ZNF398: variants seen among roughly 807,000 people sequenced by gnomAD.
The protein encoded by ZNF398 is zinc finger DNA binding protein ZER6.
A neutral mutation model predicts 41.9 loss-of-function variants in ZNF398; 18 were observed. That is an observed-to-expected ratio of 0.43 (90% CI 0.30 to 0.64). The LOEUF (loss-of-function observed/expected upper bound fraction) is 0.64, where lower values mean the gene tolerates loss of function less well. Ranked by LOEUF, ZNF398 falls within the 30% of genes least tolerant of loss-of-function variation. ZNF398 has a pLI of 0.14. For synonymous variants in ZNF398, 260 were observed against 308.8 expected (o/e 0.84, Z 1.66); for missense variants, 669 against 822.8 (o/e 0.81, Z 2.29).
At chr7:149,171,010 A>ATT (rs71192761) in intron 4 of ZNF398, among the ~76,000 whole-genome samples, 18,696 of 136,866 alleles carry the variant, frequency 0.14, 1,417 homozygotes, top group Middle Eastern at 0.19. Context: ...CGCCCGGCTA[A>ATT]TTTTTTTTTT....
upstream of ZNF398, among the ~76,000 whole-genome samples, chr7:149,143,426 G>A (rs1460193848): frequency 1.3e-5 from 2 of 152,228 alleles, no homozygotes; most frequent in Non-Finnish European, 2.9e-5. Flanking sequence ...AAAAAAATCT[G>A]TCCTTGATTC....
intron 1 of ZNF398, 132 bp from the exon 2 acceptor site, chr7:149,153,813 A>T (rs1794910110): frequency 1.8e-6 from 2 of 1,085,710 alleles, no homozygotes; most frequent in Non-Finnish European, 2.6e-6. Context: ...GATGAGGCAT[A>T]CGCAGGCAGT....
rs59895177 is a variant in ZNF398 at position 149,148,863 on chromosome 7, C to CTTTTTTTTTTTTTTTTTTTTTTT, written c.24+1103_24+1125dup. On this transcript the variant is annotated intron_variant, in intron 1 of 5. Coordinates refer to ENST00000475153, the MANE Select transcript of ZNF398 (RefSeq NM_170686.3). ...TTTATGCACGGACCTTTTTCTTTGT[C>CTTTTTTTTTTTTTTTTTTTTTTT]TTTTTTTTTTTTTTTTTTTTTTTTT... Among the ~76,000 whole-genome samples the CTTTTTTTTTTTTTTTTTTTTTTT allele has an allele frequency of 3.5e-4, 22 of 63,282 alleles. 5 individuals are homozygous for CTTTTTTTTTTTTTTTTTTTTTTT. Among genetic ancestry groups the CTTTTTTTTTTTTTTTTTTTTTTT allele is most frequent in the African/African-American group, 1.3e-3 (19 of 14,462 alleles). 41.5% of individuals were successfully genotyped at this position (63,282 alleles called of 152,430 possible).
Position 149,156,513 on chromosome 7 carries a change from A to C in ZNF398, c.420+2173A>C, listed in dbSNP as rs531526745. Among the ~76,000 whole-genome samples the C allele has an allele frequency of 9.1e-3, 1,374 of 150,636 alleles. 26 individuals carry two copies. Among genetic ancestry groups the C allele is most frequent in the African/African-American group, 0.032 (1,291 of 40,976 alleles). On this transcript the variant is annotated intron_variant, in intron 2 of 5. Coordinates refer to ENST00000475153, the MANE Select transcript of ZNF398 (RefSeq NM_170686.3). ...GGGCGAGACTCCATCTCAAAAAAAA[A>C]AAAAAAAAAAAAAAGAGTTACTGAT...
intron 2 of ZNF398, among the ~76,000 whole-genome samples, chr7:149,163,780 A>G (rs1795164764): frequency 6.6e-6 from 1 of 152,126 alleles, no homozygotes; most frequent in Non-Finnish European, 1.5e-5. Context: ...CTTTTTAATC[A>G]TTAAAGATTA....
Position 149,147,821 on chromosome 7 carries a change from A to G in ZNF398, c.24+55A>G. 1 of 1,331,584 alleles carries G rather than the reference A, an allele frequency of 7.5e-7. No individual in the cohort carries two copies. The highest frequency in any genetic ancestry group is 3.8e-5 in the Admixed American group (1 of 26,318). The allele number at this position is 1,331,584 out of a possible 1,614,324, so 82.5% of individuals were successfully genotyped here. On this transcript the variant is annotated intron_variant, in intron 1 of 5. Transcript: ENST00000475153. The surrounding 1 kb of genome is among the most constrained non-coding windows in gnomAD (Gnocchi z 5.6). ...GCCCCCGAGACCCAGACCCCGAGGG[A>G]GGAAGGCGGGCGGGCAGGGAGCTGC...
intron 3 of ZNF398, 21 bp from the exon 4 acceptor site, chr7:149,166,796 T>C: frequency 6.5e-7 from 1 of 1,543,776 alleles, no homozygotes; most frequent in Non-Finnish European, 8.9e-7. Context: ...TAATACTCTC[T>C]CTTCCTTTTT....
Position 149,162,433 on chromosome 7 carries a change from C to T in ZNF398, c.421-3725C>T, listed in dbSNP as rs562749217. ...TCCTGACCTCGTGATCCGCCCGCCT[C>T]GGCCTCTCAAAGTGCTGGGATTACA... On this transcript the variant is annotated intron_variant, in intron 2 of 5. Coordinates refer to ENST00000475153, the MANE Select transcript of ZNF398 (RefSeq NM_170686.3). Among the ~76,000 whole-genome samples, 12 of 152,244 alleles carry T rather than the reference C, an allele frequency of 7.9e-5. No individual in the cohort carries two copies. In the East Asian group the frequency reaches 1.7e-3, roughly 22 times the overall value.
chr7:149,165,507 A>G (rs547051039), intron 2 of ZNF398, among the ~76,000 whole-genome samples: 1 of 152,352 alleles, frequency 6.6e-6, no homozygotes, highest in South Asian at 2.1e-4. Context: ...AAATGGAAAC[A>G]GAAAATTGGG....
chr7:149,170,721 C>T (rs1157391106), intron 4 of ZNF398, among the ~76,000 whole-genome samples: 3 of 151,204 alleles, frequency 2.0e-5, no homozygotes, highest in African/African-American at 2.4e-5. Context: ...GGCAACAGAG[C>T]GAGACTCCAT....
At chr7:149,134,937 G>T (rs1056380838) in intron 2 of ZNF398, among the ~76,000 whole-genome samples, 1 of 152,090 alleles carries the variant, frequency 6.6e-6, no homozygotes, top group African/African-American at 2.4e-5. Flanking sequence ...CATCATGTTG[G>T]CCAGGCTGGT....
intron 2 of ZNF398, among the ~76,000 whole-genome samples, chr7:149,132,968 G>A (rs1479728101): frequency 2.0e-5 from 3 of 152,018 alleles, no homozygotes; most frequent in South Asian, 2.1e-4. Flanking sequence ...AAGCTTTACC[G>A]ATGACTTCCT....
chr7:149,133,746 T>G (rs1036910487), intron 2 of ZNF398, among the ~76,000 whole-genome samples: 14 of 129,656 alleles, frequency 1.1e-4, no homozygotes, highest in Non-Finnish European at 2.3e-4. Context: ...TTTTGTGACC[T>G]TCAGATTTTT....
Position 149,178,854 on chromosome 7 carries a change from C to T in ZNF398, c.982C>T (p.Gln328Ter). The T allele has an allele frequency of 6.2e-7, 1 of 1,614,174 alleles. No individual in the cohort carries two copies. The highest frequency in any genetic ancestry group is 8.5e-7 in the Non-Finnish European group (1 of 1,180,010). ...CTCTGAGGGACAAGTGACTTTTACT[C>T]AGTTGGGTAGCTATCCCCTCCCACC... is the stretch of plus-strand genomic sequence containing the variant. Reference protein sequence around the residue: ...EASEGQVTFTQLGSYPLPPPV... With the variant: ...EASEGQVTFT Residue 328 changes from glutamine (Q) to a stop codon, truncating the protein, a stop_gained, in exon 6 of 6, where the codon CAG becomes TAG. Transcript: ENST00000475153. LOFTEE classifies it low-confidence loss of function (END_TRUNC).
At chr7:149,148,868 T>C (rs1370232311) in intron 1 of ZNF398, among the ~76,000 whole-genome samples, 3 of 128,134 alleles carry the variant, frequency 2.3e-5, no homozygotes, top group Admixed American at 8.1e-5. Flanking sequence ...TTTGTCTTTT[T>C]TTTTTTTTTT....
intron 4 of ZNF398, among the ~76,000 whole-genome samples, chr7:149,174,849 T>G (rs1357785264): frequency 1.3e-5 from 2 of 152,044 alleles, no homozygotes; most frequent in Non-Finnish European, 2.9e-5. Flanking sequence ...CAAACAAAAG[T>G]CAGATGTTTT....
chr7:149,168,558 C>G (rs1047760078), intron 4 of ZNF398, among the ~76,000 whole-genome samples: 74 of 148,036 alleles, frequency 5.0e-4, no homozygotes, highest in African/African-American at 1.9e-3. Context: ...ACACATCTGC[C>G]TCACATTTAT....
In ZNF398 at chr7:149,147,811, AC is replaced by A; in HGVS notation, c.24+49del. ...AGTGTTGTGAGCCCCCGAGACCCAG[AC>A]CCCGAGGGAGGAAGGCGGGCGGGCA... is the stretch of plus-strand genomic sequence containing the variant. On this transcript the variant is annotated intron_variant, in intron 1 of 5. Transcript: ENST00000475153. The surrounding 1 kb of genome is among the most constrained non-coding windows in gnomAD (Gnocchi z 5.6). 7.4e-7 allele frequency: 1 copy of A among 1,347,440 alleles called. No homozygotes were observed. Among genetic ancestry groups the A allele is most frequent in the South Asian group, 1.8e-5 (1 of 54,274 alleles). The allele number at this position is 1,347,440 out of a possible 1,614,324, so 83.5% of individuals were successfully genotyped here.
rs1260573801 is a variant in ZNF398, at chr7:149,154,061, G to A, written c.141G>A (p.Val47=). 1.2e-6 allele frequency: 2 copies of A among 1,614,050 alleles called. No homozygotes were observed. Among genetic ancestry groups the A allele is most frequent in the Non-Finnish European group, 1.7e-6 (2 of 1,180,048 alleles). The stretch of plus-strand genomic sequence containing the variant: ...CAGCTATCTCTCTGTGGACAGTGGT[G>A]GCCGCCGTGCAGGCTATAGAGAGGA... ...QTAAISLWTV[V]AAVQAIERKV... The change falls in exon 2 of 6, where the codon GTG becomes GTA. Residue 47 remains valine, a synonymous_variant. Transcript: ENST00000475153.
Sources: allele counts gnomAD v4.1 joint callset (sites outside exome capture counted in the v4.1 genomes callset), GRCh38; gene constraint gnomAD v4.1.1; non-coding constraint Gnocchi (gnomAD v3.1); transcripts MANE v1.5; gene names NCBI Gene and HGNC (gene_info 2026-07-23, HGNC 2026-07-21).